JMJD1C: variants seen among roughly 807,000 people sequenced by gnomAD.
JMJD1C encodes the protein jumonji domain-containing protein 1C.
JMJD1C carries 31 observed loss-of-function variants against 245.3 expected under a neutral mutation model. The observed-to-expected ratio is 0.13, with a 90% CI of 0.09 to 0.17. JMJD1C has a LOEUF of 0.17. Ranked by LOEUF, JMJD1C falls within the 10% of genes least tolerant of loss-of-function variation. The probability of loss-of-function intolerance (pLI) is 1.00; values close to 1 mark genes in which losing one functional copy is unlikely to be tolerated. For missense variants in JMJD1C, 2,691 were observed against 3,000.2 expected, an observed-to-expected ratio of 0.90 and a Z score of 2.41; for synonymous variants, 1,057 against 1,017.4, an observed-to-expected ratio of 1.04 and a Z score of -0.74.
In JMJD1C at chr10:63,215,451, T is replaced by C. The variant is rs778364614; in HGVS notation, c.827A>G (p.His276Arg). 2.6e-5 allele frequency: 42 copies of C among 1,613,982 alleles called. No homozygotes were observed. Among genetic ancestry groups the C allele is most frequent in the Non-Finnish European group, 3.5e-5 (41 of 1,179,986 alleles). Residue 276 changes from histidine to arginine, a missense_variant, in exon 7 of 26, where the codon CAT (histidine) becomes CGT (arginine). This residue lies in a region of JMJD1C where 172 missense variants were observed against 240.8 expected (regional missense o/e 0.71). Transcript: ENST00000399262. Reference protein sequence around the residue: ...ANQNVNAVHSHYTRAQANSPR... With the variant: ...ANQNVNAVHSRYTRAQANSPR... ...ACTATTTGCTTGGGCACGTGTATAA[T>C]GGCTCTAAAAATAACCAATTAACAG... is the stretch of plus-strand genomic sequence containing the variant.
At chr10:63,178,958 G>A (rs113914490) in intron 22 of JMJD1C, among the ~76,000 whole-genome samples, 1,790 of 152,142 alleles carry the variant, frequency 0.012, 30 homozygotes, top group African/African-American at 0.041. Flanking sequence ...ATTGCCTAGC[G>A]GTGATGTCTT....
chr10:63,368,637 C>T (rs1946049514), intron 2 of JMJD1C, among the ~76,000 whole-genome samples: 1 of 152,190 alleles, frequency 6.6e-6, no homozygotes. Context: ...CACACTATGG[C>T]ATAACAAGTG....
intron 2 of JMJD1C, among the ~76,000 whole-genome samples, chr10:63,361,510 A>G (rs1463178103): frequency 6.6e-6 from 1 of 152,180 alleles, no homozygotes; most frequent in Non-Finnish European, 1.5e-5. Context: ...AAAAGAAAGA[A>G]AAGTCAGATA....
chr10:63,323,906 A>G (rs1941216502), intron 2 of JMJD1C, among the ~76,000 whole-genome samples: 1 of 152,162 alleles, frequency 6.6e-6, no homozygotes, highest in Non-Finnish European at 1.5e-5. Flanking sequence ...GCAGCCCACA[A>G]GCTGGAGAAA....
intron 1 of JMJD1C, among the ~76,000 whole-genome samples, chr10:63,521,205 C>G (rs545151980): frequency 3.9e-5 from 6 of 152,116 alleles, no homozygotes; most frequent in Admixed American, 3.9e-4. Flanking sequence ...CCAGCGCGGG[C>G]TAGGATCCCG....
Position 63,236,413 on chromosome 10 carries a change from C to T in JMJD1C, c.448-16430G>A, listed in dbSNP as rs542156216. On this transcript the variant is annotated intron_variant, in intron 3 of 25. Transcript: ENST00000399262. The stretch of plus-strand genomic sequence containing the variant: ...AACCACTTGAAGAAAAATGTGTTTT[C>T]TTCTAAAGCCACATGTTAATATTCT... Among the ~76,000 whole-genome samples, 104 of 152,244 alleles carry T rather than the reference C, an allele frequency of 6.8e-4. 1 individual carries two copies. The highest frequency in any genetic ancestry group is 2.4e-3 in the African/African-American group (100 of 41,550).
intron 2 of JMJD1C, among the ~76,000 whole-genome samples, chr10:63,270,706 G>A (rs1191560571): frequency 2.0e-5 from 3 of 152,062 alleles, no homozygotes; most frequent in South Asian, 2.1e-4. Flanking sequence ...GAACTTAAGC[G>A]ATCCACCCAC....
chr10:63,449,234 T>G (rs1951890226), intron 1 of JMJD1C, among the ~76,000 whole-genome samples: 1 of 152,204 alleles, frequency 6.6e-6, no homozygotes, highest in African/African-American at 2.4e-5. Flanking sequence ...TGAGAAATTT[T>G]TTGTTACAGT....
At chr10:63,244,146 TC>T (rs1443959764) in intron 3 of JMJD1C, among the ~76,000 whole-genome samples, 4 of 152,114 alleles carry the variant, frequency 2.6e-5, no homozygotes, top group African/African-American at 9.7e-5. Context: ...GAAACTCTGC[TC>T]CATAAATTAG....
chr10:63,464,859 C>A (rs1262007043), intron 1 of JMJD1C, among the ~76,000 whole-genome samples: 4 of 152,126 alleles, frequency 2.6e-5, no homozygotes, highest in African/African-American at 9.7e-5. Flanking sequence ...AGAGAGATTA[C>A]CCTCCATACC....
Position 63,465,740 on chromosome 10 carries a change from T to G in JMJD1C, c.-78A>C, listed in dbSNP as rs778184715. On this transcript the variant is annotated 5_prime_UTR_variant, in exon 1 of 26. It removes an upstream start codon present in the reference 5' UTR. Coordinates refer to ENST00000399262, the MANE Select transcript of JMJD1C (RefSeq NM_032776.3). ...AAACCTCACTCCTACCGGCCGCTCA[T>G]GCTGAGGAGAGCGGACCGGGACACA... 1.3e-6 allele frequency: 2 copies of G among 1,528,742 alleles called. No homozygotes were observed. Among genetic ancestry groups the G allele is most frequent in the South Asian group, 1.1e-5 (1 of 88,312 alleles). The allele number at this position is 1,528,742 out of a possible 1,614,324, so 94.7% of individuals were successfully genotyped here. A position where few individuals can be genotyped will look rare whatever the true frequency, so the allele number is the denominator to read the frequency against.
chr10:63,459,001 T>C (rs998327321), intron 1 of JMJD1C, among the ~76,000 whole-genome samples: 10 of 152,202 alleles, frequency 6.6e-5, no homozygotes, highest in African/African-American at 2.4e-4. Context: ...AGATTACAGA[T>C]GTGAGCCACC....
intron 1 of JMJD1C, among the ~76,000 whole-genome samples, chr10:63,423,897 T>C (rs1476433928): frequency 6.6e-6 from 1 of 152,242 alleles, no homozygotes; most frequent in East Asian, 1.9e-4. Flanking sequence ...TGCGTAAAGA[T>C]ACTGACGATC....
intron 2 of JMJD1C, chr10:63,268,615 T>C: frequency 1.3e-6 from 1 of 769,682 alleles, no homozygotes; most frequent in Non-Finnish European, 1.6e-6. Flanking sequence ...AAAAACCAAA[T>C]GTAAATTAAG....
chr10:63,460,325 T>C (rs988230819), intron 1 of JMJD1C, among the ~76,000 whole-genome samples: 66 of 152,140 alleles, frequency 4.3e-4, no homozygotes, highest in African/African-American at 1.2e-3. Flanking sequence ...AAGACCAGCC[T>C]GGGCAACAAA....
At chr10:63,424,442 T>C (rs1042332477) in intron 1 of JMJD1C, among the ~76,000 whole-genome samples, 1 of 152,020 alleles carries the variant, frequency 6.6e-6, no homozygotes, top group Non-Finnish European at 1.5e-5. Context: ...TCAGTGTTGT[T>C]TTAAAGTGGC....
chr10:63,306,622 T>G (rs1472015306), intron 2 of JMJD1C, among the ~76,000 whole-genome samples: 2 of 152,214 alleles, frequency 1.3e-5, no homozygotes, highest in African/African-American at 4.8e-5. Context: ...ACATTTTATC[T>G]TAAGAGTCTA....
At chr10:63,412,921 A>T (rs1033311752) in intron 1 of JMJD1C, among the ~76,000 whole-genome samples, 2 of 152,220 alleles carry the variant, frequency 1.3e-5, no homozygotes, top group Non-Finnish European at 2.9e-5. Flanking sequence ...TGACTCTCAA[A>T]GTTCAAACCC....
intron 1 of JMJD1C, among the ~76,000 whole-genome samples, chr10:63,412,951 T>C (rs1949573071): frequency 1.3e-5 from 2 of 152,178 alleles, no homozygotes; most frequent in African/African-American, 4.8e-5. Flanking sequence ...AAGTGTCAAC[T>C]GCACAGAAGA....
Sources: allele counts gnomAD v4.1 joint callset (sites outside exome capture counted in the v4.1 genomes callset), GRCh38; gene constraint gnomAD v4.1.1; regional missense constraint gnomAD v4.1.1; transcripts MANE v1.5; gene names NCBI Gene and HGNC (gene_info 2026-07-23, HGNC 2026-07-21).